Variants in GLI2 observed in about 807,000 individuals in gnomAD.
GLI2 encodes transcription activator GLI2.
In GLI2, 22 loss-of-function variants were observed where a neutral mutation model predicts 78.9. The ratio of observed to expected loss-of-function variants is 0.28; its 90% CI spans 0.20 to 0.40. GLI2 has a LOEUF of 0.40. Among genes scored for constraint, GLI2 ranks in the 10% least tolerant of loss-of-function variants. The probability of loss-of-function intolerance (pLI) is 1.00; values close to 1 mark genes in which losing one functional copy is unlikely to be tolerated. For missense variants in GLI2, 2,097 were observed against 2,213.2 expected (o/e 0.95, Z 1.05); for synonymous variants, 974 against 963.7 (o/e 1.01, Z -0.20).
chr2:120,973,639 C>T (rs943626965), intron 8 of GLI2, among the ~76,000 whole-genome samples: 1 of 152,234 alleles, frequency 6.6e-6, no homozygotes, highest in Admixed American at 6.5e-5. Context: ...CCCCAACAGC[C>T]CCCAGACGAT....
chr2:120,862,682 A>G (rs1385784106), intron 2 of GLI2, among the ~76,000 whole-genome samples: 1 of 152,140 alleles, frequency 6.6e-6, no homozygotes, highest in Non-Finnish European at 1.5e-5. Flanking sequence ...GGAAATGCAC[A>G]ATATCTTATT....
At chr2:120,964,834 G>A (rs1681761500) in intron 5 of GLI2, among the ~76,000 whole-genome samples, 1 of 152,256 alleles carries the variant, frequency 6.6e-6, no homozygotes, top group South Asian at 2.1e-4. Context: ...GGCCTCTGCT[G>A]ACCTCTCTGA....
intron 2 of GLI2, among the ~76,000 whole-genome samples, chr2:120,804,445 C>T (rs1684850122): frequency 6.6e-6 from 1 of 152,220 alleles, no homozygotes; most frequent in African/African-American, 2.4e-5. Context: ...TCAGCTGTCT[C>T]TGGGTATAAG....
At chr2:120,873,749 C>T (rs554425558) in intron 2 of GLI2, among the ~76,000 whole-genome samples, 19 of 152,290 alleles carry the variant, frequency 1.2e-4, no homozygotes, top group Non-Finnish European at 2.2e-4. Context: ...ACAGGCTCCC[C>T]GAGCCTCCTC....
At chr2:120,739,233 A>T (rs1416571966) in intron 1 of GLI2, among the ~76,000 whole-genome samples, 1 of 152,096 alleles carries the variant, frequency 6.6e-6, no homozygotes, top group African/African-American at 2.4e-5. Context: ...GGCAGACAAA[A>T]TTGGATATTT....
At chr2:120,961,463 A>G (rs550396021) in intron 5 of GLI2, among the ~76,000 whole-genome samples, 15 of 152,268 alleles carry the variant, frequency 9.9e-5, no homozygotes, top group Admixed American at 9.1e-4. Context: ...AGCGGTGTCT[A>G]TGGGCCATCT....
chr2:120,767,621 A>G (rs1573358250), intron 1 of GLI2, among the ~76,000 whole-genome samples: 1 of 152,320 alleles, frequency 6.6e-6, no homozygotes, highest in East Asian at 1.9e-4. Context: ...CAGTGGGAGC[A>G]TCTTCCCACC....
At chr2:120,830,553 C>T (rs1388971423) in intron 2 of GLI2, among the ~76,000 whole-genome samples, 1 of 152,274 alleles carries the variant, frequency 6.6e-6, no homozygotes, top group Non-Finnish European at 1.5e-5. Flanking sequence ...GCAGCACATG[C>T]TGGTAATGTG....
chr2:120,846,727 C>A (rs1687133556), intron 2 of GLI2, among the ~76,000 whole-genome samples: 1 of 152,234 alleles, frequency 6.6e-6, no homozygotes, highest in Non-Finnish European at 1.5e-5. Context: ...TGGTCCTCAG[C>A]CCTTTCCCTT....
intron 1 of GLI2, among the ~76,000 whole-genome samples, chr2:120,787,318 G>A (rs57470890): frequency 0.037 from 5,596 of 152,314 alleles, 316 homozygotes; most frequent in African/African-American, 0.12. Context: ...CTTGGACCTT[G>A]TCCTGTGCGC....
chr2:120,984,361 A>C, intron 11 of GLI2, 110 bp from the exon 12 acceptor site: 1 of 1,155,046 alleles, frequency 8.7e-7, no homozygotes, highest in Non-Finnish European at 1.3e-6. Context: ...TGACGTTGCC[A>C]GCTGGGCTCT....
At chr2:120,857,166 C>T (rs1425198833) in intron 2 of GLI2, among the ~76,000 whole-genome samples, 1 of 152,086 alleles carries the variant, frequency 6.6e-6, no homozygotes, top group Non-Finnish European at 1.5e-5. Context: ...GGCAGCTGCA[C>T]ATCACAAAGA....
chr2:120,978,523 G>A lies in GLI2; in HGVS notation c.1407G>A (p.Ala469=), dbSNP rs751984787. The change falls in exon 10 of 14, where the codon GCG becomes GCA. Residue 469 remains alanine (A), a synonymous_variant. Coordinates refer to ENST00000361492, the MANE Select transcript of GLI2 (RefSeq NM_001374353.1). ...CGCGGGAGCAGAAGCCCTTCAAGGC[G>A]CAGTACATGCTGGTGGTGCACATGC... ...ACTREQKPFK[A]QYMLVVHMRR... 32 of 1,614,008 alleles carry A rather than the reference G, an allele frequency of 2.0e-5. No individual in the cohort carries two copies. The highest frequency in any genetic ancestry group is 6.6e-5 in the South Asian group (6 of 91,092).
At chr2:120,895,627 T>C (rs1215443443) in intron 2 of GLI2, among the ~76,000 whole-genome samples, 2 of 152,130 alleles carry the variant, frequency 1.3e-5, no homozygotes, top group Non-Finnish European at 2.9e-5. Flanking sequence ...TGCTTGAACC[T>C]GGGAGGTGAA....
At chr2:120,960,080 C>T (rs934708892) in intron 5 of GLI2, among the ~76,000 whole-genome samples, 11 of 152,200 alleles carry the variant, frequency 7.2e-5, no homozygotes, top group Admixed American at 1.3e-4. Context: ...CTGGTTGATT[C>T]GGCAGGTGTT....
intron 2 of GLI2, among the ~76,000 whole-genome samples, chr2:120,862,638 G>T (rs1196686342): frequency 2.6e-5 from 4 of 152,164 alleles, no homozygotes; most frequent in Non-Finnish European, 2.9e-5. Context: ...CTGGGCAGGT[G>T]GGGGGCCAAG....
At chr2:120,882,026 C>G (rs909874568) in intron 2 of GLI2, among the ~76,000 whole-genome samples, 43 of 152,152 alleles carry the variant, frequency 2.8e-4, no homozygotes, top group Middle Eastern at 3.4e-3. Flanking sequence ...TAGGTTGATT[C>G]CAGAATACAC....
intron 10 of GLI2, among the ~76,000 whole-genome samples, chr2:120,979,347 A>G (rs781077922): frequency 3.3e-5 from 5 of 152,188 alleles, no homozygotes; most frequent in Non-Finnish European, 7.3e-5. Context: ...ATTTATGACT[A>G]TAGTTGGAGA....
intron 2 of GLI2, among the ~76,000 whole-genome samples, chr2:120,857,689 C>T (rs1687725548): frequency 6.6e-6 from 1 of 152,176 alleles, no homozygotes; most frequent in Non-Finnish European, 1.5e-5. Context: ...CTATCCAATG[C>T]ATTTTTCATC....
Sources: gnomAD v4.1 joint callset for allele counts (sites outside exome capture counted in the v4.1 genomes callset) on GRCh38, gnomAD v4.1.1 for gene constraint, MANE v1.5 for transcripts, NCBI Gene and HGNC (gene_info 2026-07-23, HGNC 2026-07-21) for gene names.